Variants in RASEF observed in about 807,000 individuals in gnomAD.
RASEF encodes RAS and EF-hand domain containing, also known as ras and EF-hand domain-containing protein.
RASEF carries 68 observed loss-of-function variants against 90.1 expected under a neutral mutation model. The observed-to-expected ratio is 0.75, with a 90% CI of 0.62 to 0.92. The LOEUF is 0.92. Among genes scored for constraint, RASEF ranks in the 40% least tolerant of loss-of-function variants. RASEF has a pLI of 0.00. For missense variants in RASEF, 949 were observed against 937.2 expected (o/e 1.01, Z -0.16); for synonymous variants, 331 against 345.2 (o/e 0.96, Z 0.46).
chr9:83,055,697 G>C, intron 1 of RASEF: 2 of 717,158 alleles, frequency 2.8e-6, no homozygotes, highest in East Asian at 5.4e-5. Flanking sequence ...TAATACAAAA[G>C]TCATCCAAAT....
At chr9:83,102,274 C>T in the RASEF span, among the ~76,000 whole-genome samples, 3 of 152,158 alleles carry the variant, frequency 2.0e-5, no homozygotes, top group Admixed American at 2.0e-4. Context: ...GACAGGCTTT[C>T]ACCATATTGG....
In RASEF at chr9:82,990,342, T is replaced by C. The variant is rs752006702; in HGVS notation, c.2117+49A>G. The stretch of plus-strand genomic sequence containing the variant: ...CACATTATGGACAAGAAATGTGTCA[T>C]ATGCAACAAGCGAAAATTCAATCCT... On this transcript the variant is annotated intron_variant, in intron 16 of 16. Transcript: ENST00000376447. The C allele has an allele frequency of 7.0e-6, 9 of 1,278,522 alleles. 1 individual carries two copies. The South Asian group carries it at 9.6e-5, about 14-fold the overall frequency. The allele number at this position is 1,278,522 out of a possible 1,614,324, so 79.2% of individuals were successfully genotyped here. A position where few individuals can be genotyped will look rare whatever the true frequency, so the allele number is the denominator to read the frequency against.
intron 1 of RASEF, among the ~76,000 whole-genome samples, chr9:83,026,432 A>C (rs571041482): frequency 1.3e-5 from 2 of 152,298 alleles, no homozygotes; most frequent in South Asian, 2.1e-4. Context: ...GGAAACTTAC[A>C]AACATGGCAG....
In RASEF at chr9:83,022,362, C is replaced by T. The variant is rs1310374368; in HGVS notation, c.643G>A (p.Ala215Thr). 1 of 1,613,964 alleles carries T rather than the reference C, an allele frequency of 6.2e-7. No individual in the cohort carries two copies. The highest frequency in any genetic ancestry group is 2.2e-5 in the East Asian group (1 of 44,882). Residue 215 changes from alanine to threonine, a missense_variant, in exon 3 of 17, where the codon GCT becomes ACT. By Grantham distance (58) the Ala-to-Thr change is moderately conservative. Transcript: ENST00000376447. ...LEEEMDQRIQAAEHKTRKDEK... is the reference protein window; with the variant it reads ...LEEEMDQRIQTAEHKTRKDEK... ...TCTTTCCGTGTCTTATGTTCTGCAGCCTGAATCCTCTGATCCATTTCCTCT... is the reference window on the plus strand; with the variant it reads ...TCTTTCCGTGTCTTATGTTCTGCAGTCTGAATCCTCTGATCCATTTCCTCT...
chr9:83,155,859 C>A, the RASEF span, among the ~76,000 whole-genome samples: 1 of 152,172 alleles, frequency 6.6e-6, no homozygotes, highest in Admixed American at 6.5e-5. Context: ...ATTCAGCAGT[C>A]AACTGCCAGC....
At chr9:83,108,281 G>T in the RASEF span, among the ~76,000 whole-genome samples, 1 of 152,156 alleles carries the variant, frequency 6.6e-6, no homozygotes, top group Admixed American at 6.6e-5. Flanking sequence ...CCTCATGTCA[G>T]ATACAATCTA....
At chr9:83,134,211 G>A in the RASEF span, among the ~76,000 whole-genome samples, 1 of 152,032 alleles carries the variant, frequency 6.6e-6, no homozygotes, top group Admixed American at 6.6e-5. Flanking sequence ...CACCTGACTA[G>A]CAGAGGTGGT....
chr9:83,068,464 G>T, the RASEF span, among the ~76,000 whole-genome samples: 1 of 152,212 alleles, frequency 6.6e-6, no homozygotes, highest in Non-Finnish European at 1.5e-5. Flanking sequence ...AGGACCTGAA[G>T]ATAGCCTCTA....
At chr9:83,207,196 A>G in the RASEF span, among the ~76,000 whole-genome samples, 4 of 152,174 alleles carry the variant, frequency 2.6e-5, no homozygotes, top group Admixed American at 2.6e-4. Flanking sequence ...AAGAGAGTCT[A>G]TCACGGACAT....
chr9:83,150,366 C>T, the RASEF span, among the ~76,000 whole-genome samples: 1 of 152,092 alleles, frequency 6.6e-6, no homozygotes, highest in East Asian at 1.9e-4. Context: ...TTTGGTCTTT[C>T]TGACAACCAC....
the RASEF span, among the ~76,000 whole-genome samples, chr9:83,158,186 G>T: frequency 1.3e-5 from 2 of 151,976 alleles, no homozygotes; most frequent in Non-Finnish European, 2.9e-5. Context: ...ATCATGCAAG[G>T]TTATTTCAAT....
chr9:83,001,228 C>T (rs1218582211), intron 9 of RASEF, 98 bp from the exon 10 acceptor site: 13 of 802,688 alleles, frequency 1.6e-5, no homozygotes, highest in East Asian at 2.7e-5. Flanking sequence ...TCAAGTAGGC[C>T]GACTGTGGCT....
chr9:83,149,164 G>T, the RASEF span, among the ~76,000 whole-genome samples: 212 of 152,314 alleles, frequency 1.4e-3, no homozygotes, highest in African/African-American at 4.6e-3. Context: ...CTGCTCCCAG[G>T]TGTCCTCTTA....
At chr9:83,022,526 A>ATC in intron 2 of RASEF, 100 bp from the exon 3 acceptor site, 1 of 813,062 alleles carries the variant, frequency 1.2e-6, no homozygotes, top group South Asian at 1.5e-5. Context: ...TATATTACAG[A>ATC]TGAAGAGAAA....
At chr9:83,149,147 A>G in the RASEF span, among the ~76,000 whole-genome samples, 3 of 152,216 alleles carry the variant, frequency 2.0e-5, no homozygotes, top group Admixed American at 2.0e-4. Context: ...CTCCTCCAGG[A>G]AAGAGCCTGC....
At chr9:83,127,997 AG>A in the RASEF span, among the ~76,000 whole-genome samples, 1 of 150,674 alleles carries the variant, frequency 6.6e-6, no homozygotes, top group South Asian at 2.1e-4. Context: ...GCTACTATAA[AG>A]GGCTTTTTCT....
chr9:83,077,128 A>G, the RASEF span, among the ~76,000 whole-genome samples: 3 of 152,184 alleles, frequency 2.0e-5, no homozygotes, highest in African/African-American at 7.2e-5. Flanking sequence ...TGTTAATACA[A>G]TGGAAACAAT....
the RASEF span, among the ~76,000 whole-genome samples, chr9:83,091,576 A>T: frequency 1.3e-5 from 2 of 152,036 alleles, no homozygotes; most frequent in Admixed American, 6.6e-5. Context: ...AATAAAAATA[A>T]TTTTTTAAAA....
At chr9:83,120,832 T>C in the RASEF span, among the ~76,000 whole-genome samples, 1 of 152,190 alleles carries the variant, frequency 6.6e-6, no homozygotes, top group African/African-American at 2.4e-5. Context: ...ACAGCATTAA[T>C]TCAATGTAAG....
Sources: gnomAD v4.1 joint callset for allele counts (sites outside exome capture counted in the v4.1 genomes callset) on GRCh38, gnomAD v4.1.1 for gene constraint, MANE v1.5 for transcripts, NCBI Gene and HGNC (gene_info 2026-07-23, HGNC 2026-07-21) for gene names.